CHN1: variants seen among roughly 807,000 people sequenced by gnomAD.
The protein encoded by CHN1 is chimerin 1.
A neutral mutation model predicts 59.5 loss-of-function variants in CHN1; 37 were observed. The ratio of observed to expected loss-of-function variants is 0.62; its 90% CI spans 0.48 to 0.82. The LOEUF (loss-of-function observed/expected upper bound fraction) is 0.82, where lower values mean the gene tolerates loss of function less well. Among genes scored for constraint, CHN1 ranks in the 40% least tolerant of loss-of-function variants. The probability of loss-of-function intolerance (pLI) is 0.00; values close to 1 mark genes in which losing one functional copy is unlikely to be tolerated. For synonymous variants in CHN1, 206 were observed against 200.4 expected, an observed-to-expected ratio of 1.03 and a Z score of -0.24; for missense variants, 469 against 571.0, an observed-to-expected ratio of 0.82 and a Z score of 1.82.
At chr2:175,001,275 G>T (rs910059332) in intron 1 of CHN1, among the ~76,000 whole-genome samples, 1 of 152,184 alleles carries the variant, frequency 6.6e-6, no homozygotes, top group Non-Finnish European at 1.5e-5. Context: ...AGTCAAGTGG[G>T]AACTTCCTAT....
At chr2:174,912,587 C>A (rs1054534425) in intron 5 of CHN1, among the ~76,000 whole-genome samples, 1 of 152,142 alleles carries the variant, frequency 6.6e-6, no homozygotes, top group Non-Finnish European at 1.5e-5. Flanking sequence ...ATAAAATAGA[C>A]AAACTGGCTA....
chr2:174,883,906 AGAT>A (rs1687813528), intron 5 of CHN1, among the ~76,000 whole-genome samples: 4 of 150,500 alleles, frequency 2.7e-5, no homozygotes, highest in African/African-American at 7.5e-5. Context: ...AAAGACAAAA[AGAT>A]AAAAAAAAGG....
chr2:174,926,477 C>T (rs2105382319), intron 3 of CHN1, among the ~76,000 whole-genome samples: 1 of 152,238 alleles, frequency 6.6e-6, no homozygotes, highest in East Asian at 1.9e-4. Context: ...ATCAAGCAAA[C>T]CTGCCTCCCA....
At chr2:174,954,904 G>C (rs1432965275) in intron 1 of CHN1, among the ~76,000 whole-genome samples, 1 of 151,988 alleles carries the variant, frequency 6.6e-6, no homozygotes, top group Non-Finnish European at 1.5e-5. Flanking sequence ...ACTAAAAGTA[G>C]ATCTACCATT....
intron 5 of CHN1, among the ~76,000 whole-genome samples, chr2:174,898,387 G>A (rs1443013746): frequency 6.6e-6 from 1 of 151,390 alleles, no homozygotes; most frequent in African/African-American, 2.4e-5. Context: ...GGATCACGAG[G>A]TCAGGAGATT....
chr2:174,923,875 T>A (rs1346510501), intron 3 of CHN1, among the ~76,000 whole-genome samples: 1 of 152,192 alleles, frequency 6.6e-6, no homozygotes, highest in African/African-American at 2.4e-5. Flanking sequence ...TAAAGGAAAT[T>A]AGGTAAGCAC....
intron 1 of CHN1, among the ~76,000 whole-genome samples, chr2:174,980,814 T>C (rs1220586253): frequency 6.6e-6 from 1 of 152,200 alleles, no homozygotes; most frequent in Admixed American, 6.5e-5. Flanking sequence ...AAAAACTACA[T>C]TGAAATTATC....
At chr2:174,965,209 T>C (rs1271147221) in intron 1 of CHN1, among the ~76,000 whole-genome samples, 1 of 152,132 alleles carries the variant, frequency 6.6e-6, no homozygotes, top group Non-Finnish European at 1.5e-5. Context: ...CATCTTCATG[T>C]TCTCTCCAAT....
chr2:174,906,301 A>G (rs887891468), intron 5 of CHN1, among the ~76,000 whole-genome samples: 1 of 152,220 alleles, frequency 6.6e-6, no homozygotes, highest in Non-Finnish European at 1.5e-5. Flanking sequence ...GTACTTATAC[A>G]TGCCACAACA....
intron 8 of CHN1, among the ~76,000 whole-genome samples, chr2:174,818,740 A>G (rs991955891): frequency 5.3e-5 from 8 of 152,188 alleles, no homozygotes; most frequent in Admixed American, 2.0e-4. Context: ...GTCACATTTT[A>G]TTCTATACTT....
intron 6 of CHN1, among the ~76,000 whole-genome samples, chr2:174,863,668 G>A (rs369503442): frequency 6.6e-6 from 1 of 151,928 alleles, no homozygotes; most frequent in Non-Finnish European, 1.5e-5. Flanking sequence ...AGTGTAAAGG[G>A]GTCCTGACTC....
At chr2:174,985,253 C>T (rs559042954) in intron 1 of CHN1, among the ~76,000 whole-genome samples, 3 of 152,242 alleles carry the variant, frequency 2.0e-5, no homozygotes, top group South Asian at 4.1e-4. Flanking sequence ...CTACCAACCT[C>T]AACATAATTT....
intron 5 of CHN1, among the ~76,000 whole-genome samples, chr2:174,889,312 C>T (rs907272468): frequency 3.3e-4 from 50 of 151,838 alleles, no homozygotes; most frequent in Non-Finnish European, 6.5e-4. Flanking sequence ...CAAGAATGAA[C>T]TTATAAGCAT....
In CHN1 at chr2:174,972,597, G is replaced by A. The variant is rs563239037; in HGVS notation, c.20-20395C>T. Among the ~76,000 whole-genome samples the A allele has an allele frequency of 4.6e-5, 7 of 152,292 alleles. No individual in the cohort carries two copies. In the East Asian group the frequency reaches 1.2e-3, roughly 25 times the overall value. ...TGAAGTGGGTGGCAGAGCAGTAGTC[G>A]TAGTTTGAGCTATGCAGCATTCAGA... On this transcript the variant is annotated intron_variant, in intron 1 of 12. Coordinates refer to ENST00000409900, the MANE Select transcript of CHN1 (RefSeq NM_001822.7).
At chr2:174,878,196 A>G in intron 5 of CHN1, 68 bp from the exon 6 acceptor site, 11 of 1,383,162 alleles carry the variant, frequency 8.0e-6, no homozygotes, top group Non-Finnish European at 1.1e-5. Flanking sequence ...TGAAAAAAAA[A>G]CAAAAACAAA....
intron 7 of CHN1, among the ~76,000 whole-genome samples, chr2:174,830,320 G>C (rs1369758478): frequency 6.6e-6 from 1 of 152,182 alleles, no homozygotes; most frequent in African/African-American, 2.4e-5. Flanking sequence ...GCCGTGAAAA[G>C]AGAATACATA....
chr2:174,888,498 G>A (rs1250373604), intron 5 of CHN1, among the ~76,000 whole-genome samples: 2 of 152,142 alleles, frequency 1.3e-5, no homozygotes, highest in Non-Finnish European at 2.9e-5. Flanking sequence ...GTTTTGAGGG[G>A]AGACAAATCA....
intron 5 of CHN1, among the ~76,000 whole-genome samples, chr2:174,886,222 C>T (rs1469747902): frequency 6.6e-6 from 1 of 152,184 alleles, no homozygotes; most frequent in Non-Finnish European, 1.5e-5. Flanking sequence ...TTCTGTTAAA[C>T]AATACAATGC....
chr2:174,904,691 T>C (rs978832023), intron 5 of CHN1, among the ~76,000 whole-genome samples: 1 of 152,236 alleles, frequency 6.6e-6, no homozygotes, highest in Non-Finnish European at 1.5e-5. Context: ...CCCAGCCAGA[T>C]ATTGTTTTTA....
Sources: allele counts gnomAD v4.1 joint callset (sites outside exome capture counted in the v4.1 genomes callset), GRCh38; gene constraint gnomAD v4.1.1; transcripts MANE v1.5; gene names NCBI Gene and HGNC (gene_info 2026-07-23, HGNC 2026-07-21).